The following GPHN variants were observed in gnomAD, a reference collection of about 807,000 sequenced individuals.
The protein encoded by GPHN is gephyrin.
In GPHN, 17 loss-of-function variants were observed where a neutral mutation model predicts 95.5. The ratio of observed to expected loss-of-function variants is 0.18; its 90% CI spans 0.12 to 0.27. The LOEUF (loss-of-function observed/expected upper bound fraction) is 0.27, where lower values mean the gene tolerates loss of function less well. GPHN is among the 10% of genes least tolerant of loss of function. GPHN has a pLI of 1.00. For missense variants in GPHN, 660 were observed against 978.1 expected, an observed-to-expected ratio of 0.67 and a Z score of 4.34; for synonymous variants, 320 against 322.5, an observed-to-expected ratio of 0.99 and a Z score of 0.08.
intron 2 of GPHN, among the ~76,000 whole-genome samples, chr14:66,755,392 T>C (rs936645510): frequency 6.6e-6 from 1 of 152,130 alleles, no homozygotes; most frequent in Non-Finnish European, 1.5e-5. Flanking sequence ...TTTTCAAGTT[T>C]GTCTCAGTGC....
At chr14:66,815,538 C>G (rs1481887356) in intron 3 of GPHN, among the ~76,000 whole-genome samples, 1 of 152,094 alleles carries the variant, frequency 6.6e-6, no homozygotes, top group Non-Finnish European at 1.5e-5. Context: ...AATTCCAATC[C>G]AGAATTTCAT....
At chr14:67,199,155 C>CAACA in the GPHN span, 1 of 1,576,436 alleles carries the variant, frequency 6.3e-7, no homozygotes, top group Non-Finnish European at 8.7e-7. Context: ...ACTGTGGGAA[C>CAACA]TGTTTCTCCA....
intron 10 of GPHN, among the ~76,000 whole-genome samples, chr14:67,047,334 T>TTG (rs778266656): frequency 0.48 from 51,857 of 109,118 alleles, 13,191 homozygotes; most frequent in Non-Finnish European, 0.58. Context: ...GTGTGTGTGT[T>TTG]TGTGTGTGTG....
At chr14:67,475,926 G>A in the GPHN span, among the ~76,000 whole-genome samples, 1 of 152,248 alleles carries the variant, frequency 6.6e-6, no homozygotes, top group Middle Eastern at 3.2e-3. Flanking sequence ...GATAGTGACT[G>A]TTGCACAGGC....
At chr14:66,559,805 G>T (rs901615226) in intron 1 of GPHN, among the ~76,000 whole-genome samples, 1 of 152,000 alleles carries the variant, frequency 6.6e-6, no homozygotes, top group African/African-American at 2.4e-5. Context: ...TAGACATGAA[G>T]TCCTTGCCCA....
At chr14:67,700,918 G>C in the GPHN span, among the ~76,000 whole-genome samples, 1 of 148,532 alleles carries the variant, frequency 6.7e-6, no homozygotes, top group Non-Finnish European at 1.5e-5. Context: ...CCAGCTACTC[G>C]GAGGCTGAGG....
At chr14:66,867,797 A>G (rs948811091) in intron 4 of GPHN, among the ~76,000 whole-genome samples, 2 of 152,218 alleles carry the variant, frequency 1.3e-5, no homozygotes, top group South Asian at 4.1e-4. Flanking sequence ...ACATAAAGTG[A>G]TTATAAAGAT....
intron 5 of GPHN, among the ~76,000 whole-genome samples, chr14:66,897,048 T>G (rs1411292421): frequency 6.6e-6 from 1 of 152,168 alleles, no homozygotes; most frequent in Non-Finnish European, 1.5e-5. Flanking sequence ...CAAAAAAATT[T>G]TATTAAACTT....
intron 18 of GPHN, among the ~76,000 whole-genome samples, chr14:67,157,055 A>T (rs1274587541): frequency 6.6e-6 from 1 of 152,126 alleles, no homozygotes; most frequent in Admixed American, 6.5e-5. Context: ...TTTTTAAAAA[A>T]ACAGCTAATC....
At chr14:66,621,859 CA>C (rs2063319922) in intron 1 of GPHN, among the ~76,000 whole-genome samples, 1 of 152,162 alleles carries the variant, frequency 6.6e-6, no homozygotes, top group South Asian at 2.1e-4. Flanking sequence ...GCCTCCATCC[CA>C]GCTGCTTTCA....
intron 2 of GPHN, among the ~76,000 whole-genome samples, chr14:66,749,190 A>C (rs1048188934): frequency 1.3e-5 from 2 of 151,958 alleles, no homozygotes; most frequent in African/African-American, 4.8e-5. Flanking sequence ...TTGATAGCTT[A>C]TTTCTTTTTA....
intron 9 of GPHN, among the ~76,000 whole-genome samples, chr14:66,980,399 CAT>C (rs929823659): frequency 6.6e-5 from 10 of 152,002 alleles, no homozygotes; most frequent in East Asian, 3.9e-4. Context: ...TTTTTGGTCT[CAT>C]GTGCAAATAA....
intron 5 of GPHN, among the ~76,000 whole-genome samples, chr14:66,896,873 C>T (rs1344716611): frequency 1.3e-5 from 2 of 151,836 alleles, no homozygotes; most frequent in Admixed American, 1.3e-4. Context: ...AGTTATAATA[C>T]GAATTCCCAG....
intron 8 of GPHN, among the ~76,000 whole-genome samples, chr14:66,928,751 T>G (rs971183990): frequency 1.3e-5 from 2 of 152,226 alleles, no homozygotes; most frequent in African/African-American, 4.8e-5. Context: ...ATTATTAATT[T>G]GCTTCTTAAT....
the GPHN span, chr14:67,729,452 T>C: frequency 6.8e-7 from 1 of 1,467,482 alleles, no homozygotes; most frequent in Admixed American, 1.7e-5. Context: ...GGGCTGTTCA[T>C]CCTGAGAAGC....
At chr14:67,043,225 T>A (rs1332326624) in intron 10 of GPHN, among the ~76,000 whole-genome samples, 1 of 151,852 alleles carries the variant, frequency 6.6e-6, no homozygotes, top group Non-Finnish European at 1.5e-5. Context: ...CCTTTATCGC[T>A]TTCTCTTGCC....
At chr14:67,208,019 G>A in the GPHN span, 8 of 411,714 alleles carry the variant, frequency 1.9e-5, no homozygotes, top group African/African-American at 4.3e-5. Context: ...ACAGCCTGCC[G>A]CCAACACACC....
At chr14:67,422,304 C>T in the GPHN span, among the ~76,000 whole-genome samples, 9 of 152,266 alleles carry the variant, frequency 5.9e-5, no homozygotes, top group East Asian at 1.5e-3. Flanking sequence ...CCAATAAAGG[C>T]TCTGACCTAA....
At chr14:67,689,429 T>C in the GPHN span, among the ~76,000 whole-genome samples, 1 of 152,136 alleles carries the variant, frequency 6.6e-6, no homozygotes, top group African/African-American at 2.4e-5. Flanking sequence ...TTCTCAAGCA[T>C]ATATTTCCCT....
Sources: allele counts gnomAD v4.1 joint callset (sites outside exome capture counted in the v4.1 genomes callset), GRCh38; gene constraint gnomAD v4.1.1; transcripts MANE v1.5; gene names NCBI Gene and HGNC (gene_info 2026-07-23, HGNC 2026-07-21).